CD33: variants seen among roughly 807,000 people sequenced by gnomAD.
The protein encoded by CD33 is CD33 molecule.
A neutral mutation model predicts 31.4 loss-of-function variants in CD33; 25 were observed. The ratio of observed to expected loss-of-function variants is 0.80; its 90% CI spans 0.58 to 1.11. The LOEUF (loss-of-function observed/expected upper bound fraction) is 1.11. CD33 is among the 50% of genes most tolerant of loss of function. CD33 has a pLI of 0.00. For missense variants in CD33, 407 were observed against 448.1 expected (o/e 0.91, Z 0.83); for synonymous variants, 176 against 180.6 (o/e 0.97, Z 0.20).
the CD33 span, among the ~76,000 whole-genome samples, chr19:51,213,824 C>A: frequency 6.7e-6 from 1 of 149,978 alleles, no homozygotes; most frequent in Non-Finnish European, 1.5e-5. Context: ...GCGTGAACCA[C>A]TGCGCCCAGC....
At chr19:51,226,215 G>A in intron 3 of CD33, 94 bp from the exon 4 acceptor site, 1 of 1,512,588 alleles carries the variant, frequency 6.6e-7, no homozygotes, top group Non-Finnish European at 9.2e-7. Flanking sequence ...TGTCCCTTCT[G>A]CATTTCTGTG....
At chr19:51,212,743 G>A in the CD33 span, among the ~76,000 whole-genome samples, 1 of 152,182 alleles carries the variant, frequency 6.6e-6, no homozygotes, top group Non-Finnish European at 1.5e-5. Flanking sequence ...ATGCACAGCG[G>A]AGTCTGTCCT....
At chr19:51,214,588 G>A in the CD33 span, among the ~76,000 whole-genome samples, 1 of 152,144 alleles carries the variant, frequency 6.6e-6, no homozygotes, top group Non-Finnish European at 1.5e-5. Flanking sequence ...GATGAATGAT[G>A]TTGAGCGTAT....
At position 51,225,249 on chromosome 19, in the gene CD33, G is replaced by A; in HGVS notation, c.69G>A (p.Leu23=). ...GALAMDPNFW[L]QVQESVTVQE... ...TGGCTATGGATCCAAATTTCTGGCTGCAAGTGCAGGAGTCAGTGACGGTAC... is the reference window on the plus strand; with the variant it reads ...TGGCTATGGATCCAAATTTCTGGCTACAAGTGCAGGAGTCAGTGACGGTAC... Residue 23 remains leucine (L), a synonymous_variant, in exon 2 of 7, where the codon CTG becomes CTA. Coordinates refer to ENST00000262262, the MANE Select transcript of CD33 (RefSeq NM_001772.4). The A allele has an allele frequency of 3.1e-6, 5 of 1,613,554 alleles. No homozygotes were observed. The highest frequency in any genetic ancestry group is 4.2e-6 in the Non-Finnish European group (5 of 1,179,578).
At chr19:51,223,029 A>G (rs917420755), upstream of CD33, among the ~76,000 whole-genome samples, 2 of 152,062 alleles carry the variant, frequency 1.3e-5, no homozygotes, top group Admixed American at 1.3e-4. Flanking sequence ...GCCTGGGGGA[A>G]CATAGCAAGA....
At chr19:51,234,408 TC>T (rs1981635331) in intron 4 of CD33, among the ~76,000 whole-genome samples, 1 of 152,176 alleles carries the variant, frequency 6.6e-6, no homozygotes, top group African/African-American at 2.4e-5. Flanking sequence ...TAGTCACACT[TC>T]CCTAAAAATC....
intron 4 of CD33, among the ~76,000 whole-genome samples, chr19:51,229,657 T>C (rs1981273088): frequency 6.6e-6 from 1 of 152,142 alleles, no homozygotes; most frequent in African/African-American, 2.4e-5. Flanking sequence ...ATCCATTTCT[T>C]CTAGACTTTC....
upstream of CD33, among the ~76,000 whole-genome samples, chr19:51,224,730 T>TCGGGC (rs1361772782): frequency 1.3e-5 from 2 of 152,136 alleles, no homozygotes; most frequent in East Asian, 1.9e-4. Flanking sequence ...AGGCTGCGAC[T>TCGGGC]CGGGCCAGGC....
intron 4 of CD33, 53 bp from the exon 5 acceptor site, chr19:51,235,104 C>T (rs945580137): frequency 7.0e-7 from 1 of 1,437,934 alleles, no homozygotes; most frequent in Non-Finnish European, 9.8e-7. Flanking sequence ...GAGGAGGATA[C>T]ACATACCTGT....
chr19:51,225,240 T>A lies in CD33; in HGVS notation c.60T>A (p.Asn20Lys), dbSNP rs3987761. Residue 20 changes from asparagine (N) to lysine (K), a missense_variant, in exon 2 of 7, where the codon AAT (asparagine) becomes AAA (lysine). By Grantham distance (94) the Asn-to-Lys change is moderately conservative. Coordinates refer to ENST00000262262, the MANE Select transcript of CD33 (RefSeq NM_001772.4). Reference sequence around the variant, plus strand: ...CAGGGGCCCTGGCTATGGATCCAAATTTCTGGCTGCAAGTGCAGGAGTCAG... The same window carrying A: ...CAGGGGCCCTGGCTATGGATCCAAAATTCTGGCTGCAAGTGCAGGAGTCAG... ...LWAGALAMDPNFWLQVQESVT... is the reference protein window; with the variant it reads ...LWAGALAMDPKFWLQVQESVT... 61 of 1,613,198 alleles carry A rather than the reference T, an allele frequency of 3.8e-5. No homozygotes were observed. The highest frequency in any genetic ancestry group is 1.2e-4 in the Admixed American group (7 of 59,970).
intron 4 of CD33, among the ~76,000 whole-genome samples, chr19:51,234,010 G>A (rs544889718): frequency 4.6e-5 from 7 of 152,180 alleles, no homozygotes; most frequent in South Asian, 2.1e-4. Flanking sequence ...AGGCACCTCC[G>A]GTGAGCCATT....
chr19:51,218,009 G>C, the CD33 span, among the ~76,000 whole-genome samples: 1 of 152,168 alleles, frequency 6.6e-6, no homozygotes, highest in African/African-American at 2.4e-5. Flanking sequence ...ACGAGTGCAG[G>C]TATGTTTTTG....
chr19:51,231,376 T>C (rs1981398916), intron 4 of CD33, among the ~76,000 whole-genome samples: 1 of 152,264 alleles, frequency 6.6e-6, no homozygotes. Flanking sequence ...CTGGACTTCG[T>C]GGCCCCCACG....
At position 51,225,205 on chromosome 19, in the gene CD33, C is replaced by T. The variant is rs1178458600; in HGVS notation, c.38-13C>T. 3 of 1,613,044 alleles carry T rather than the reference C, an allele frequency of 1.9e-6. No homozygotes were observed. Among genetic ancestry groups the T allele is most frequent in the Admixed American group, 1.7e-5 (1 of 59,968 alleles). ...TGTCGGGCTGGGCCGAGCTGACCCT[C>T]GTTTCCCCACAGGGGCCCTGGCTAT... On this transcript the variant is annotated splice_polypyrimidine_tract_variant and intron_variant, in intron 1 of 6. Transcript: ENST00000262262.
rs1010295873 is a variant in CD33, at chr19:51,239,406, A to G, written c.925-112A>G. ...AATTAACATTTGATGAAAGAATGAA[A>G]GAGTGAATAAATGTTCTGTCAGAGT... On this transcript the variant is annotated intron_variant, in intron 6 of 6. Coordinates refer to ENST00000262262, the MANE Select transcript of CD33 (RefSeq NM_001772.4). 39 of 704,352 alleles carry G rather than the reference A, an allele frequency of 5.5e-5. No homozygotes were observed. In the African/African-American group the frequency reaches 6.7e-4, roughly 12 times the overall value. 43.6% of individuals were successfully genotyped at this position (704,352 alleles called of 1,614,324 possible). A position where few individuals can be genotyped will look rare whatever the true frequency, so the allele number is the denominator to read the frequency against.
chr19:51,220,627 ATTAAT>A (rs1478562356), upstream of CD33, among the ~76,000 whole-genome samples: 2 of 152,226 alleles, frequency 1.3e-5, no homozygotes, highest in African/African-American at 2.4e-5. Context: ...GGTCAAGATC[ATTAAT>A]TTAATTAAAG....
At chr19:51,225,001 T>C, upstream of CD33, 1 of 1,285,142 alleles carries the variant, frequency 7.8e-7, no homozygotes, top group South Asian at 1.3e-5. Flanking sequence ...TCCTCTTCCA[T>C]GCAGGGCTGA....
chr19:51,218,413 A>G, the CD33 span, among the ~76,000 whole-genome samples: 3 of 152,114 alleles, frequency 2.0e-5, no homozygotes, highest in Non-Finnish European at 4.4e-5. Flanking sequence ...TTTCTTGTAC[A>G]TTCTGGATAT....
chr19:51,211,157 C>T, the CD33 span: 100 of 1,597,882 alleles, frequency 6.3e-5, 1 homozygote, highest in Middle Eastern at 3.4e-4. Context: ...TGAATGGCTG[C>T]GGGGAGAGGG....
Sources: gnomAD v4.1 joint callset for allele counts (sites outside exome capture counted in the v4.1 genomes callset) on GRCh38, gnomAD v4.1.1 for gene constraint, MANE v1.5 for transcripts, NCBI Gene and HGNC (gene_info 2026-07-23, HGNC 2026-07-21) for gene names.